Variants in ARHGEF18 observed in about 807,000 individuals in gnomAD.
ARHGEF18 encodes Rho/Rac guanine nucleotide exchange factor 18.
Under a neutral mutation model 155.7 loss-of-function variants are expected in ARHGEF18, and 93 were observed. That is an observed-to-expected ratio of 0.60 (90% CI 0.50 to 0.71). The LOEUF is 0.71. Among genes scored for constraint, ARHGEF18 ranks in the 30% least tolerant of loss-of-function variants. The pLI is 0.00. For synonymous variants in ARHGEF18, 742 were observed against 753.1 expected (o/e 0.99, Z 0.24); for missense variants, 1,593 against 1,816.1 (o/e 0.88, Z 2.23).
downstream of ARHGEF18, among the ~76,000 whole-genome samples, chr19:7,475,291 T>C (rs1013841167): frequency 6.6e-6 from 1 of 151,912 alleles, no homozygotes; most frequent in African/African-American, 2.4e-5. Context: ...CCCTAAAAGG[T>C]TGAAAACCAC....
Position 7,462,014 on chromosome 19 carries a change from G to A in ARHGEF18, c.2453-138G>A. 1.1e-5 allele frequency: 10 copies of A among 917,758 alleles called. No homozygotes were observed. The highest frequency in any genetic ancestry group is 1.5e-5 in the Non-Finnish European group (9 of 586,842). The allele number at this position is 917,758 out of a possible 1,614,324, so 56.9% of individuals were successfully genotyped here. A position where few individuals can be genotyped will look rare whatever the true frequency, so the allele number is the denominator to read the frequency against. On this transcript the variant is annotated intron_variant, in intron 20 of 28. Transcript: ENST00000668164. The surrounding 1 kb of genome is among the most constrained non-coding windows in gnomAD (Gnocchi z 4.4). ...AGGCCATGCCCTCCCCTACCTCCCA[G>A]GAATGCAGGACACAAGGGGGCAGCC...
At chr19:7,384,692 A>G (rs1281169186) in intron 10 of ARHGEF18, among the ~76,000 whole-genome samples, 2 of 141,548 alleles carry the variant, frequency 1.4e-5, no homozygotes, top group African/African-American at 5.1e-5. Flanking sequence ...TTTTTGCAAA[A>G]TTTTTTTTTT....
intron 10 of ARHGEF18, among the ~76,000 whole-genome samples, chr19:7,392,240 CAAAAA>C (rs3997574): frequency 1.4e-5 from 1 of 72,052 alleles, no homozygotes; most frequent in Non-Finnish European, 2.9e-5. Flanking sequence ...GACTCCGTCT[CAAAAA>C]AAAAAAAAAA....
intron 2 of ARHGEF18, among the ~76,000 whole-genome samples, chr19:7,369,002 C>G (rs747808512): frequency 6.6e-6 from 1 of 152,130 alleles, no homozygotes; most frequent in Non-Finnish European, 1.5e-5. Context: ...AGAAGGCAGG[C>G]TGTGGAAACA....
intron 1 of ARHGEF18, among the ~76,000 whole-genome samples, chr19:7,351,887 G>T (rs1969167138): frequency 6.6e-6 from 1 of 151,776 alleles, no homozygotes; most frequent in East Asian, 1.9e-4. Context: ...TAGAGACAGG[G>T]TTTCACCATG....
In ARHGEF18 at chr19:7,439,984, C is replaced by A; in HGVS notation, c.968-360C>A. On this transcript the variant is annotated intron_variant, in intron 10 of 28. Transcript: ENST00000668164. ...AATATCCTGCCCTCCAGACCCGCTG[C>A]TTCAGCCAATACAGCAAGGGAAGAC... 1 of 1,547,440 alleles carries A rather than the reference C, an allele frequency of 6.5e-7. No homozygotes were observed. The highest frequency in any genetic ancestry group is 2.0e-5 in the Admixed American group (1 of 50,292).
intron 10 of ARHGEF18, among the ~76,000 whole-genome samples, chr19:7,436,843 A>G (rs1175643846): frequency 3.3e-5 from 5 of 152,116 alleles, no homozygotes; most frequent in African/African-American, 4.8e-5. Flanking sequence ...GTTTTTTTAC[A>G]TAGGTGTTGC....
chr19:7,438,842 T>C (rs1974440188), intron 10 of ARHGEF18, among the ~76,000 whole-genome samples: 1 of 152,138 alleles, frequency 6.6e-6, no homozygotes, highest in Non-Finnish European at 1.5e-5. Context: ...AGGGGAAAAC[T>C]GAACCTAATG....
At chr19:7,452,171 T>G (rs1194915701) in intron 16 of ARHGEF18, among the ~76,000 whole-genome samples, 2 of 152,154 alleles carry the variant, frequency 1.3e-5, no homozygotes, top group South Asian at 4.1e-4. Context: ...GTGGAAAGGA[T>G]GAATGGATGG....
chr19:7,407,773 T>C (rs1278000954), intron 10 of ARHGEF18, among the ~76,000 whole-genome samples: 2 of 151,570 alleles, frequency 1.3e-5, no homozygotes, highest in African/African-American at 4.8e-5. Flanking sequence ...CCATCTTGAC[T>C]AAAACGGTGA....
intron 2 of ARHGEF18, among the ~76,000 whole-genome samples, chr19:7,371,792 G>C (rs1439259908): frequency 1.3e-5 from 2 of 151,280 alleles, no homozygotes; most frequent in African/African-American, 4.9e-5. Context: ...CTGCACTCCA[G>C]CCTGGGCGAC....
rs532115795 is a variant in ARHGEF18 at position 7,465,499 on chromosome 19, C to G, written c.2904+809C>G. Among the ~76,000 whole-genome samples the G allele has an allele frequency of 1.3e-4, 19 of 151,766 alleles. No individual in the cohort carries two copies. The East Asian group carries it at 3.7e-3, about 29-fold the overall frequency. On this transcript the variant is annotated intron_variant, in intron 23 of 28. Coordinates refer to ENST00000668164, the MANE Select transcript of ARHGEF18 (RefSeq NM_001367823.1). The stretch of plus-strand genomic sequence containing the variant: ...TCACAGCTCACACAGCCTCTAACTC[C>G]TAGGCTCAAGCAATCCTCCCACCTC...
At chr19:7,360,762 C>T (rs1240154324) in intron 1 of ARHGEF18, among the ~76,000 whole-genome samples, 1 of 152,216 alleles carries the variant, frequency 6.6e-6, no homozygotes, top group Non-Finnish European at 1.5e-5. Context: ...CCCTCCCCCA[C>T]ATCTGGCTTT....
downstream of ARHGEF18, chr19:7,477,350 G>A: frequency 6.4e-7 from 1 of 1,556,180 alleles, no homozygotes; most frequent in Non-Finnish European, 8.7e-7. Flanking sequence ...CACGGCGTTG[G>A]CCAGGTCGGC....
At chr19:7,413,505 G>C (rs1346475384) in intron 10 of ARHGEF18, among the ~76,000 whole-genome samples, 1 of 152,062 alleles carries the variant, frequency 6.6e-6, no homozygotes, top group East Asian at 1.9e-4. Flanking sequence ...GTTTCACCGT[G>C]TTGACCAGGA....
chr19:7,388,614 C>T (rs1226493697), intron 10 of ARHGEF18, among the ~76,000 whole-genome samples: 1 of 151,978 alleles, frequency 6.6e-6, no homozygotes, highest in East Asian at 1.9e-4. Flanking sequence ...GAGTTTTGCT[C>T]TGTCACCCAG....
intron 1 of ARHGEF18, among the ~76,000 whole-genome samples, chr19:7,354,522 C>T (rs936446335): frequency 6.6e-6 from 1 of 152,124 alleles, no homozygotes; most frequent in Non-Finnish European, 1.5e-5. Flanking sequence ...GGAGTGAAGA[C>T]GCTGATAAAG....
intron 8 of ARHGEF18, among the ~76,000 whole-genome samples, chr19:7,382,464 G>A (rs1970795836): frequency 6.6e-6 from 1 of 151,386 alleles, no homozygotes; most frequent in Admixed American, 6.6e-5. Flanking sequence ...GGGGGTGGGG[G>A]GCGTGAATTA....
Position 7,444,588 on chromosome 19 carries a change from G to A in ARHGEF18, c.1611+134G>A. 1.5e-6 allele frequency: 2 copies of A among 1,306,258 alleles called. No homozygotes were observed. The highest frequency in any genetic ancestry group is 2.1e-6 in the Non-Finnish European group (2 of 970,692). 80.9% of individuals were successfully genotyped at this position (1,306,258 alleles called of 1,614,324 possible). A position where few individuals can be genotyped will look rare whatever the true frequency, so the allele number is the denominator to read the frequency against. On this transcript the variant is annotated intron_variant, in intron 14 of 28. Transcript: ENST00000668164. This position sits in a 1 kb window ranked among gnomAD's most constrained non-coding sequence, Gnocchi z 4.7. Reference sequence around the variant, plus strand: ...TGCAGTGGTGCAGTCACAGCTCAATGCAGCCTCAACCTCTCAGGCTCAGGT... The same window carrying A: ...TGCAGTGGTGCAGTCACAGCTCAATACAGCCTCAACCTCTCAGGCTCAGGT...
Sources: gnomAD v4.1 joint callset for allele counts (sites outside exome capture counted in the v4.1 genomes callset) on GRCh38, gnomAD v4.1.1 for gene constraint, Gnocchi (gnomAD v3.1) non-coding constraint, MANE v1.5 for transcripts, NCBI Gene and HGNC (gene_info 2026-07-23, HGNC 2026-07-21) for gene names.